Variants in ASB5 observed in about 807,000 individuals in gnomAD.
ASB5 encodes ankyrin repeat and SOCS box containing 5.
Under a neutral mutation model 42.1 loss-of-function variants are expected in ASB5, and 45 were observed. The observed-to-expected ratio is 1.07, with a 90% CI of 0.84 to 1.37. The LOEUF (loss-of-function observed/expected upper bound fraction) is 1.37. Among genes scored for constraint, ASB5 ranks in the 40% most tolerant of loss-of-function variants. ASB5 has a pLI of 0.00. For synonymous variants in ASB5, 147 were observed against 150.6 expected (o/e 0.98, Z 0.18); for missense variants, 402 against 399.8 (o/e 1.01, Z -0.05).
intron 1 of ASB5, among the ~76,000 whole-genome samples, chr4:176,245,758 G>T (rs985815946): frequency 6.6e-5 from 10 of 152,140 alleles, no homozygotes. Context: ...CGACATGGAT[G>T]AAGCTGGAAA....
intron 1 of ASB5, among the ~76,000 whole-genome samples, chr4:176,244,295 A>G (rs991636516): frequency 8.5e-5 from 13 of 152,214 alleles, no homozygotes; most frequent in African/African-American, 2.7e-4. Context: ...TCTTTCAAGT[A>G]TAAGTTTGGG....
intron 1 of ASB5, among the ~76,000 whole-genome samples, chr4:176,238,475 C>G (rs1426095050): frequency 6.6e-6 from 1 of 152,062 alleles, no homozygotes; most frequent in African/African-American, 2.4e-5. Context: ...AAACATGTGC[C>G]TGGTATTTTT....
upstream of ASB5, chr4:176,269,351 T>C (rs535194482): frequency 1.8e-5 from 6 of 339,588 alleles, no homozygotes; most frequent in Admixed American, 4.7e-5. Flanking sequence ...CCATTCTCAA[T>C]ATAAAATGAC....
At position 176,221,555 on chromosome 4, in the gene ASB5, A is replaced by G; in HGVS notation, c.430T>C (p.Cys144Arg). Reference protein sequence around the residue: ...IDGVTPLFNACSQGSPSCAEL... With the variant: ...IDGVTPLFNARSQGSPSCAEL... Reference sequence around the variant, plus strand: ...GCACAGCTTGGACTGCCTTGGGAGCATGCGTTGAATAACGGAGTCACGCCA... The same window carrying G: ...GCACAGCTTGGACTGCCTTGGGAGCGTGCGTTGAATAACGGAGTCACGCCA... Residue 144 changes from cysteine to arginine, a missense_variant, in exon 4 of 7, where the codon TGC (cysteine) becomes CGC (arginine). Transcript: ENST00000296525. The G allele has an allele frequency of 6.2e-7, 1 of 1,613,832 alleles. No homozygotes were observed. Among genetic ancestry groups the G allele is most frequent in the Non-Finnish European group, 8.5e-7 (1 of 1,179,790 alleles).
intron 1 of ASB5, among the ~76,000 whole-genome samples, chr4:176,233,572 A>G (rs1385730022): frequency 6.6e-6 from 1 of 152,202 alleles, no homozygotes; most frequent in African/African-American, 2.4e-5. Context: ...TAACCGCAAT[A>G]ATTGTCAAGG....
chr4:176,214,527 C>G lies in ASB5; in HGVS notation c.*1073G>C, dbSNP rs1752914879. The stretch of plus-strand genomic sequence containing the variant: ...AATATCTTCTTTTATACAATACTCT[C>G]TTGCTATTACTTGCAAATACAGTAT... On this transcript the variant is annotated 3_prime_UTR_variant, in exon 7 of 7. Coordinates refer to ENST00000296525, the MANE Select transcript of ASB5 (RefSeq NM_080874.4). 6.6e-6 allele frequency: 1 copy of G among 152,154 alleles called. No homozygotes were observed. Among genetic ancestry groups the G allele is most frequent in the African/African-American group, 2.4e-5 (1 of 41,434 alleles). 9.4% of individuals were successfully genotyped at this position (152,154 alleles called of 1,614,324 possible).
chr4:176,241,832 T>C (rs1050107693), intron 1 of ASB5: 7 of 201,302 alleles, frequency 3.5e-5, no homozygotes, highest in Non-Finnish European at 5.3e-5. Flanking sequence ...TGGTGAGTGA[T>C]ATCTCCTCTC....
chr4:176,235,399 A>AT (rs962100649), intron 1 of ASB5, among the ~76,000 whole-genome samples: 41 of 152,230 alleles, frequency 2.7e-4, no homozygotes, highest in African/African-American at 9.6e-4. Context: ...AGAAACACAC[A>AT]TTTTTTAATC....
chr4:176,243,184 A>G (rs1753845083), intron 1 of ASB5, among the ~76,000 whole-genome samples: 1 of 152,224 alleles, frequency 6.6e-6, no homozygotes, highest in South Asian at 2.1e-4. Context: ...TTACTGAGAC[A>G]TACTTTACAG....
chr4:176,276,857 G>A (rs1242416156), intron 1 of ASB5, among the ~76,000 whole-genome samples: 3 of 152,098 alleles, frequency 2.0e-5, no homozygotes. Context: ...AAAAGTACAC[G>A]GCCACCTTAA....
chr4:176,272,569 G>A (rs1328591482), upstream of ASB5, among the ~76,000 whole-genome samples: 1 of 152,002 alleles, frequency 6.6e-6, no homozygotes, highest in Non-Finnish European at 1.5e-5. Context: ...GGTATCAGAG[G>A]ACAGACTGTA....
intron 1 of ASB5, among the ~76,000 whole-genome samples, chr4:176,233,438 A>G (rs1753602983): frequency 6.8e-6 from 1 of 147,468 alleles, no homozygotes; most frequent in African/African-American, 2.4e-5. Flanking sequence ...CTGGCATCTC[A>G]ATCCATTTCT....
intron 1 of ASB5, among the ~76,000 whole-genome samples, chr4:176,227,702 G>A (rs915527768): frequency 6.6e-6 from 1 of 152,138 alleles, no homozygotes; most frequent in African/African-American, 2.4e-5. Context: ...CAGCTAGAAA[G>A]GGGTGGATGT....
chr4:176,220,644 G>T lies in ASB5; in HGVS notation c.670+511C>A, dbSNP rs371379424. Among the ~76,000 whole-genome samples, 55 of 152,244 alleles carry T rather than the reference G, an allele frequency of 3.6e-4. No homozygotes were observed. In the East Asian group the frequency reaches 8.1e-3, roughly 22 times the overall value. On this transcript the variant is annotated intron_variant, in intron 5 of 6. Transcript: ENST00000296525. ...GAAACAAACCTTGAGGAATTGATTT[G>T]TTTCAAGTAAGTGGAAAAGGGCAGT...
chr4:176,227,717 T>C (rs1210497845), intron 1 of ASB5, among the ~76,000 whole-genome samples: 1 of 152,126 alleles, frequency 6.6e-6, no homozygotes, highest in Non-Finnish European at 1.5e-5. Flanking sequence ...GGATGTAAAA[T>C]TCAAACTGCA....
chr4:176,232,580 T>G (rs1345164400), intron 1 of ASB5, among the ~76,000 whole-genome samples: 1 of 152,180 alleles, frequency 6.6e-6, no homozygotes, highest in Non-Finnish European at 1.5e-5. Context: ...CAGTATAAGC[T>G]TCAGACTTGA....
In ASB5 at chr4:176,219,559, ATG is replaced by A. The variant is rs1270562001; in HGVS notation, c.670+1594_670+1595del. ...ATATATATATGTATGATATATAAATATGTATATATTTGTATGATATATATATA... is the reference window on the plus strand; with the variant it reads ...ATATATATATGTATGATATATAAATATATATATTTGTATGATATATATATA... On this transcript the variant is annotated intron_variant, in intron 5 of 6. Transcript: ENST00000296525. 2.1e-4 allele frequency among the ~76,000 whole-genome samples: 10 copies of A among 48,308 alleles called. 4 individuals carry two copies. Among genetic ancestry groups the A allele is most frequent in the African/African-American group, 4.4e-4 (8 of 18,076 alleles). 31.7% of individuals were successfully genotyped at this position (48,308 alleles called of 152,430 possible). A position where few individuals can be genotyped will look rare whatever the true frequency, so the allele number is the denominator to read the frequency against.
rs539009604 is a variant in ASB5, at chr4:176,214,633, T to A, written c.*967A>T. On this transcript the variant is annotated 3_prime_UTR_variant, in exon 7 of 7. Coordinates refer to ENST00000296525, the MANE Select transcript of ASB5 (RefSeq NM_080874.4). ...TATATACATTTTTTAAGGTCTCCAA[T>A]GTGTTAAGTGGCACCCACTCTTTAA... The A allele has an allele frequency of 5.9e-5, 9 of 152,266 alleles. No individual in the cohort carries two copies. In the South Asian group the frequency reaches 1.9e-3, roughly 32 times the overall value. 9.4% of individuals were successfully genotyped at this position (152,266 alleles called of 1,614,324 possible).
chr4:176,268,279 C>T (rs1247778220), intron 1 of ASB5, among the ~76,000 whole-genome samples: 1 of 152,126 alleles, frequency 6.6e-6, no homozygotes, highest in Non-Finnish European at 1.5e-5. Flanking sequence ...ATGCACTTGG[C>T]TGCACACATA....
Sources: gnomAD v4.1 joint callset for allele counts (sites outside exome capture counted in the v4.1 genomes callset) on GRCh38, gnomAD v4.1.1 for gene constraint, MANE v1.5 for transcripts, NCBI Gene and HGNC (gene_info 2026-07-23, HGNC 2026-07-21) for gene names.